Variants in DNAH7 observed in about 807,000 individuals in gnomAD.
DNAH7 encodes axonemal beta dynein heavy chain 7.
In DNAH7, 397 loss-of-function variants were observed where a neutral mutation model predicts 444.6. The observed-to-expected ratio is 0.89, with a 90% CI of 0.82 to 0.97. DNAH7 has a LOEUF of 0.97. Among genes scored for constraint, DNAH7 ranks in the 50% least tolerant of loss-of-function variants. The probability of loss-of-function intolerance (pLI) is 0.00; values close to 1 mark genes in which losing one functional copy is unlikely to be tolerated. For missense variants in DNAH7, 4,902 were observed against 4,800.8 expected (o/e 1.02, Z -0.62); for synonymous variants, 1,636 against 1,624.4 (o/e 1.01, Z -0.17).
chr2:196,056,166 C>A (rs374724258), intron 2 of DNAH7, among the ~76,000 whole-genome samples: 1 of 152,110 alleles, frequency 6.6e-6, no homozygotes, highest in African/African-American at 2.4e-5. Context: ...CTTTTGTGGC[C>A]GGGCGCAGTG....
Position 195,922,191 on chromosome 2 carries a change from G to C in DNAH7, c.3832C>G (p.His1278Asp), listed in dbSNP as rs779667841. The change falls in exon 24 of 65, where the codon CAT (histidine) becomes GAT (aspartate). Residue 1278 changes from histidine to aspartate, a missense_variant. By Grantham distance (81) the His-to-Asp change is moderately conservative. Coordinates refer to ENST00000312428, the MANE Select transcript of DNAH7 (RefSeq NM_018897.3). ...SQLRYYWQEN[H>D]LETKMINAGL... ...GCATTGATCATTTTTGTTTCTAAAT[G>C]ATTTTCCTAGGATAAATCAAATAAA... 1.3e-6 allele frequency: 2 copies of C among 1,577,264 alleles called. No individual in the cohort carries two copies. Among genetic ancestry groups the C allele is most frequent in the Non-Finnish European group, 1.7e-6 (2 of 1,147,110 alleles).
In DNAH7 at chr2:195,926,452, G is replaced by A; in HGVS notation, c.3586C>T (p.Gln1196Ter). Residue 1196 changes from glutamine to a stop codon, truncating the protein, a stop_gained, in exon 22 of 65, where the codon CAA (glutamine) becomes TAA (stop). Coordinates refer to ENST00000312428, the MANE Select transcript of DNAH7 (RefSeq NM_018897.3). LOFTEE classifies it high-confidence loss of function. ...VSQIFWTKEV[Q>*]TAIPMGIKAL... ...TTTATCCCCATTGGAATAGCTGTTT[G>A]TACTTCTTTTGTCCAAAAGATTTGG... The A allele has an allele frequency of 6.3e-7, 1 of 1,597,192 alleles. No individual in the cohort carries two copies. The highest frequency in any genetic ancestry group is 8.5e-7 in the Non-Finnish European group (1 of 1,173,270).
chr2:195,903,848 C>T (rs1362690344), intron 27 of DNAH7: 3 of 152,094 alleles, frequency 2.0e-5, no homozygotes, highest in South Asian at 2.1e-4. Context: ...CCTCACTACA[C>T]CCAAGTTCTG....
In DNAH7 at chr2:196,031,848, T is replaced by C. The variant is rs148905144; in HGVS notation, c.399-3801A>G. On this transcript the variant is annotated intron_variant, in intron 5 of 64. Coordinates refer to ENST00000312428, the MANE Select transcript of DNAH7 (RefSeq NM_018897.3). ...AACAAGTCTCTAGGAAGTTCCCAAC[T>C]TTCCCACATTTTCCTATCTTTTTCT... Among the ~76,000 whole-genome samples, 1,087 of 152,282 alleles carry C rather than the reference T, an allele frequency of 7.1e-3. 7 individuals are homozygous for C. The highest frequency in any genetic ancestry group is 0.025 in the African/African-American group (1,023 of 41,550).
In DNAH7 at chr2:195,906,709, T is replaced by G; in HGVS notation, c.4285A>C (p.Thr1429Pro). 2 of 1,613,484 alleles carry G rather than the reference T, an allele frequency of 1.2e-6. No individual in the cohort carries two copies. The highest frequency in any genetic ancestry group is 1.7e-6 in the Non-Finnish European group (2 of 1,179,576). ...KLDPTCAVFI[T>P]MNPGYAGRSE... is the part of the protein sequence containing the mutation. ...CGCCCAGCATACCCAGGGTTCATTG[T>G]TATAAAGACAGCACATGTGGGGTCA... The change falls in exon 27 of 65, where the codon ACA becomes CCA. Residue 1429 changes from threonine (T) to proline (P), a missense_variant. Coordinates refer to ENST00000312428, the MANE Select transcript of DNAH7 (RefSeq NM_018897.3).
rs370937367 is a variant in DNAH7, at chr2:195,740,414, T to C, written c.11868+352A>G. On this transcript the variant is annotated intron_variant, in intron 64 of 64. Transcript: ENST00000312428. ...CATTGTGTATTAAATAAGGTGTCTT[T>C]AAACAGACACAAAATAAAGGTTATT... Among the ~76,000 whole-genome samples, 4 of 152,196 alleles carry C rather than the reference T, an allele frequency of 2.6e-5. No homozygotes were observed. In the South Asian group the frequency reaches 8.3e-4, roughly 32 times the overall value.
intron 47 of DNAH7, among the ~76,000 whole-genome samples, chr2:195,839,525 T>C (rs1698557025): frequency 6.6e-6 from 1 of 151,324 alleles, no homozygotes; most frequent in East Asian, 1.9e-4. Context: ...AGGGAAGAAA[T>C]CAGTATTATT....
chr2:196,017,043 G>A (rs1695066034), intron 9 of DNAH7, among the ~76,000 whole-genome samples: 1 of 152,090 alleles, frequency 6.6e-6, no homozygotes, highest in African/African-American at 2.4e-5. Context: ...GTCTTGCTCT[G>A]TCACCCAAGC....
intron 47 of DNAH7, among the ~76,000 whole-genome samples, chr2:195,838,670 C>A (rs955847775): frequency 6.6e-6 from 1 of 151,782 alleles, no homozygotes; most frequent in African/African-American, 2.4e-5. Context: ...CTATACGATC[C>A]AACTGTCAGC....
intron 46 of DNAH7, among the ~76,000 whole-genome samples, chr2:195,850,340 A>AAG (rs1409546977): frequency 2.6e-5 from 4 of 152,000 alleles, no homozygotes; most frequent in African/African-American, 9.7e-5. Flanking sequence ...ACTGGCCATT[A>AAG]AGAGTGTCAT....
At chr2:195,914,571 T>C (rs2125320688) in intron 24 of DNAH7, among the ~76,000 whole-genome samples, 1 of 152,378 alleles carries the variant, frequency 6.6e-6, no homozygotes, top group East Asian at 1.9e-4. Context: ...ATTCATTTGA[T>C]GCTTCATAAA....
At chr2:195,788,184 G>A (rs1046692601) in intron 57 of DNAH7, among the ~76,000 whole-genome samples, 55 of 152,308 alleles carry the variant, frequency 3.6e-4, no homozygotes, top group South Asian at 1.2e-3. Context: ...GTAGGCAATA[G>A]CAGCCGCCAT....
At chr2:195,857,762 TG>T in intron 43 of DNAH7, 39 bp from the exon 44 acceptor site, 2 of 1,494,764 alleles carry the variant, frequency 1.3e-6, no homozygotes, top group Non-Finnish European at 1.8e-6. Context: ...AAGACATGTT[TG>T]TTTATACAGT....
intron 5 of DNAH7, among the ~76,000 whole-genome samples, chr2:196,046,940 C>T (rs544715449): frequency 1.1e-4 from 17 of 152,270 alleles, no homozygotes; most frequent in Non-Finnish European, 2.1e-4. Flanking sequence ...CAGTGAGACC[C>T]AGGTAAGACC....
intron 63 of DNAH7, among the ~76,000 whole-genome samples, chr2:195,745,332 C>T (rs1386654035): frequency 1.3e-5 from 2 of 152,140 alleles, no homozygotes; most frequent in Admixed American, 6.5e-5. Flanking sequence ...ATGAACAAAG[C>T]CTCCAAGAAA....
Position 195,960,886 on chromosome 2 carries a change from T to C in DNAH7, c.2265A>G (p.Gln755=). Residue 755 remains glutamine, a synonymous_variant, in exon 18 of 65, where the codon CAA becomes CAG. Coordinates refer to ENST00000312428, the MANE Select transcript of DNAH7 (RefSeq NM_018897.3). ...AFGWLPSVYP[Q]RKKIQDGLNP... ...TCAAGCCATCTTGGATTTTTTTACG[T>C]TGAGGATATACAGATGGTAGCCAAC... The C allele has an allele frequency of 6.2e-7, 1 of 1,613,872 alleles. No individual in the cohort carries two copies. Among genetic ancestry groups the C allele is most frequent in the Non-Finnish European group, 8.5e-7 (1 of 1,179,908 alleles).
intron 63 of DNAH7, among the ~76,000 whole-genome samples, chr2:195,741,371 G>A (rs932917742): frequency 1.3e-5 from 2 of 152,180 alleles, no homozygotes; most frequent in African/African-American, 4.8e-5. Context: ...GCTCTCCTTA[G>A]TCTGTTGATG....
At chr2:195,868,781 T>C (rs1240976917) in intron 40 of DNAH7, among the ~76,000 whole-genome samples, 2 of 150,876 alleles carry the variant, frequency 1.3e-5, no homozygotes. Context: ...AGGTGATACG[T>C]GCATTAACTA....
At chr2:195,866,955 C>A (rs958362992) in intron 40 of DNAH7, among the ~76,000 whole-genome samples, 3 of 152,170 alleles carry the variant, frequency 2.0e-5, no homozygotes, top group African/African-American at 4.8e-5. Context: ...TGCACAATCT[C>A]TCTTCTCCTG....
Sources: allele counts gnomAD v4.1 joint callset (sites outside exome capture counted in the v4.1 genomes callset), GRCh38; gene constraint gnomAD v4.1.1; transcripts MANE v1.5; gene names NCBI Gene and HGNC (gene_info 2026-07-23, HGNC 2026-07-21).